Variants in LLGL2 observed in about 807,000 individuals in gnomAD.
LLGL2 encodes LLGL scribble cell polarity complex component 2.
LLGL2 carries 81 observed loss-of-function variants against 123.2 expected under a neutral mutation model. That is an observed-to-expected ratio of 0.66 (90% CI 0.55 to 0.79). The LOEUF is 0.79. LLGL2 is among the 30% of genes least tolerant of loss of function. The pLI, the probability that LLGL2 is intolerant of heterozygous loss-of-function variation, is 0.00. For synonymous variants in LLGL2, 577 were observed against 594.1 expected, an observed-to-expected ratio of 0.97 and a Z score of 0.42; for missense variants, 1,273 against 1,414.6, an observed-to-expected ratio of 0.90 and a Z score of 1.61.
intron 1 of LLGL2, among the ~76,000 whole-genome samples, chr17:75,541,038 C>T (rs1568025873): frequency 6.6e-6 from 1 of 152,226 alleles, no homozygotes; most frequent in Non-Finnish European, 1.5e-5. Context: ...TCACTCCCTA[C>T]TGCACAGCAG....
chr17:75,546,999 A>C (rs2054459327), intron 2 of LLGL2, among the ~76,000 whole-genome samples: 2 of 152,216 alleles, frequency 1.3e-5, no homozygotes. Flanking sequence ...CTGGAAGGCC[A>C]GTCTGCTGGG....
At chr17:75,555,093 C>T (rs2054845578) in intron 2 of LLGL2, among the ~76,000 whole-genome samples, 2 of 149,780 alleles carry the variant, frequency 1.3e-5, no homozygotes, top group Admixed American at 1.3e-4. Flanking sequence ...AGGAGAATGG[C>T]ATGAACCCGG....
chr17:75,569,705 A>G (rs866557222), intron 14 of LLGL2, among the ~76,000 whole-genome samples: 11 of 151,932 alleles, frequency 7.2e-5, no homozygotes, highest in South Asian at 6.2e-4. Context: ...TGGAAGGCCG[A>G]GACAAGAGAA....
chr17:75,531,318 C>T (rs2053778453), intron 1 of LLGL2, among the ~76,000 whole-genome samples: 1 of 152,170 alleles, frequency 6.6e-6, no homozygotes, highest in Non-Finnish European at 1.5e-5. Flanking sequence ...GCAAGAGCCT[C>T]CAGGAGCCAT....
rs748277859 is a variant in LLGL2 at position 75,571,010 on chromosome 17, G to A, written c.2086G>A (p.Val696Met). 5 of 1,613,082 alleles carry A rather than the reference G, an allele frequency of 3.1e-6. No individual in the cohort carries two copies. The highest frequency in any genetic ancestry group is 4.2e-6 in the Non-Finnish European group (5 of 1,179,968). Residue 696 changes from valine (V) to methionine (M), a missense_variant, in exon 17 of 26, where the codon GTG (valine) becomes ATG (methionine). Physicochemically the swap from Val to Met is conservative, Grantham distance 21 (BLOSUM62 1). Coordinates refer to ENST00000392550, the MANE Select transcript of LLGL2 (RefSeq NM_001031803.2). Reference protein sequence around the residue: ...PGLQNMELAPVQRKIEARSAE... With the variant: ...PGLQNMELAPMQRKIEARSAE... Reference sequence around the variant, plus strand: ...CCTCCAGAACATGGAGCTGGCGCCTGTGCAGCGCAAGATCGAGGCTCGCTC... The same window carrying A: ...CCTCCAGAACATGGAGCTGGCGCCTATGCAGCGCAAGATCGAGGCTCGCTC...
In LLGL2 at chr17:75,564,832, C is replaced by A; in HGVS notation, c.1036+325C>A. ...CGAACCAGGATCATGCTACTGTACT[C>A]AGCCTGGGTGACATAGCCAGACTGT... On this transcript the variant is annotated intron_variant, in intron 10 of 25. Transcript: ENST00000392550. The surrounding 1 kb of genome is among the most constrained non-coding windows in gnomAD (Gnocchi z 4.9). The A allele has an allele frequency of 4.2e-6, 1 of 239,538 alleles. No homozygotes were observed. 14.8% of individuals were successfully genotyped at this position (239,538 alleles called of 1,614,324 possible).
chr17:75,574,212 G>A lies in LLGL2; in HGVS notation c.2906-1G>A, dbSNP rs758913200. On this transcript the variant is annotated splice_acceptor_variant, in intron 22 of 25. Coordinates refer to ENST00000392550, the MANE Select transcript of LLGL2 (RefSeq NM_001031803.2). LOFTEE classifies it high-confidence loss of function. ...GCCCTGACCCGGCCTCTACCTTCCA[G>A]AGAAGCAGCCCGGCCTGGTGATGGA... The A allele has an allele frequency of 6.6e-7, 1 of 1,521,694 alleles. No homozygotes were observed. Among genetic ancestry groups the A allele is most frequent in the South Asian group, 1.2e-5 (1 of 81,888 alleles). The allele number at this position is 1,521,694 out of a possible 1,614,324, so 94.3% of individuals were successfully genotyped here.
rs933483858 is a variant in LLGL2 at position 75,573,386 on chromosome 17, G to A, written c.2726-95G>A. ...CCAGACTGGATGGGCCTTAAGCGGA[G>A]AACTGCGAGGGAGCACTAGCCCCTA... On this transcript the variant is annotated intron_variant, in intron 20 of 25. Transcript: ENST00000392550. 1.0e-5 allele frequency: 16 copies of A among 1,554,994 alleles called. No individual in the cohort carries two copies. In the Admixed American group the frequency reaches 2.5e-4, roughly 24 times the overall value.
At position 75,559,231 on chromosome 17, in the gene LLGL2, G is replaced by A. The variant is rs368393996; in HGVS notation, c.372-21G>A. On this transcript the variant is annotated intron_variant, in intron 5 of 25. Transcript: ENST00000392550. This position sits in a 1 kb window ranked among gnomAD's most constrained non-coding sequence, Gnocchi z 4.6. ...CCCTGCTGGGCAGTGGTCGGCTCAC[G>A]GGCAGCTGTTCTTGTCACAGGGCTG... The A allele has an allele frequency of 2.5e-4, 394 of 1,572,710 alleles. No individual in the cohort carries two copies. Among genetic ancestry groups the A allele is most frequent in the Non-Finnish European group, 3.2e-4 (369 of 1,160,124 alleles).
chr17:75,566,172 G>C (rs1310650534), intron 10 of LLGL2, among the ~76,000 whole-genome samples: 1 of 152,214 alleles, frequency 6.6e-6, no homozygotes, highest in African/African-American at 2.4e-5. Flanking sequence ...GGCGAAGAGA[G>C]GGCAGAATGG....
chr17:75,569,833 G>A, intron 14 of LLGL2, 130 bp from the exon 15 acceptor site: 1 of 940,662 alleles, frequency 1.1e-6, no homozygotes, highest in Non-Finnish European at 1.6e-6. Context: ...AGGAGAGCTG[G>A]GGTTGGACAG....
Position 75,559,380 on chromosome 17 carries a change from G to A in LLGL2, c.500G>A (p.Arg167Gln), listed in dbSNP as rs144919589. Residue 167 changes from arginine (R) to glutamine (Q), a missense_variant, in exon 6 of 26, where the codon CGG becomes CAG. Arg to Gln is a conservative substitution (Grantham distance 43). Coordinates refer to ENST00000392550, the MANE Select transcript of LLGL2 (RefSeq NM_001031803.2). This position sits in a 1 kb window ranked among gnomAD's most constrained non-coding sequence, Gnocchi z 4.6. ...QLPAFRALED[R>Q]TISSDAVLQR... The stretch of plus-strand genomic sequence containing the variant: ...CCAGCTTTTCGTGCGCTGGAGGACC[G>A]GACCATCAGCTCGGACGCGGTGCTG... 66 of 1,612,408 alleles carry A rather than the reference G, an allele frequency of 4.1e-5. No individual in the cohort carries two copies. Among genetic ancestry groups the A allele is most frequent in the African/African-American group, 3.3e-4 (25 of 74,932 alleles).
At position 75,541,715 on chromosome 17, in the gene LLGL2, C is replaced by CTTT. The variant is rs56656168; in HGVS notation, c.-30-1653_-30-1651dup. On this transcript the variant is annotated intron_variant, in intron 1 of 25. Coordinates refer to ENST00000392550, the MANE Select transcript of LLGL2 (RefSeq NM_001031803.2). ...TTCACTCAAGGGGGATGTGGCTCTG[C>CTTT]TTTTTTTTTTTTTTTTTTTTTTTTT... 7.6e-4 allele frequency among the ~76,000 whole-genome samples: 24 copies of CTTT among 31,540 alleles called. 3 individuals are homozygous for CTTT. Among genetic ancestry groups the CTTT allele is most frequent in the Non-Finnish European group, 1.2e-3 (22 of 18,620 alleles). The allele number at this position is 31,540 out of a possible 152,430, so 20.7% of individuals were successfully genotyped here. A position where few individuals can be genotyped will look rare whatever the true frequency, so the allele number is the denominator to read the frequency against.
Position 75,559,047 on chromosome 17 carries a change from G to A in LLGL2, c.372-205G>A. On this transcript the variant is annotated intron_variant, in intron 5 of 25. Transcript: ENST00000392550. This position sits in a 1 kb window ranked among gnomAD's most constrained non-coding sequence, Gnocchi z 4.6. Reference sequence around the variant, plus strand: ...CCCCGTGTTATGCTGGAGGGTCCCTGGCGTCTTTCCTGCCTCCTAGCCCAG... The same window carrying A: ...CCCCGTGTTATGCTGGAGGGTCCCTAGCGTCTTTCCTGCCTCCTAGCCCAG... 1 of 603,456 alleles carries A rather than the reference G, an allele frequency of 1.7e-6. No individual in the cohort carries two copies. The allele number at this position is 603,456 out of a possible 1,614,324, so 37.4% of individuals were successfully genotyped here.
At chr17:75,526,546 T>C (rs1598486433) in intron 1 of LLGL2, among the ~76,000 whole-genome samples, 2 of 152,104 alleles carry the variant, frequency 1.3e-5, no homozygotes, top group South Asian at 4.1e-4. Context: ...GCCTTGGCTG[T>C]GGGGAGAACT....
chr17:75,525,861 C>T lies in LLGL2; in HGVS notation c.-31+36C>T, dbSNP rs2053544578. The T allele has an allele frequency of 6.6e-6, 1 of 151,740 alleles. No individual in the cohort carries two copies. Among genetic ancestry groups the T allele is most frequent in the East Asian group, 2.0e-4 (1 of 5,118 alleles). The allele number at this position is 151,740 out of a possible 1,614,324, so 9.4% of individuals were successfully genotyped here. A position where few individuals can be genotyped will look rare whatever the true frequency, so the allele number is the denominator to read the frequency against. On this transcript the variant is annotated intron_variant, in intron 1 of 25. Coordinates refer to ENST00000392550, the MANE Select transcript of LLGL2 (RefSeq NM_001031803.2). This position sits in a 1 kb window ranked among gnomAD's most constrained non-coding sequence, Gnocchi z 4.8. Reference sequence around the variant, plus strand: ...TGCCGGACTCGCCCAGCCGGGCCCGCCCCCTCGGGGCTTCCACCTGGGGCG... The same window carrying T: ...TGCCGGACTCGCCCAGCCGGGCCCGTCCCCTCGGGGCTTCCACCTGGGGCG...
At chr17:75,545,083 C>T (rs1334421851) in intron 2 of LLGL2, among the ~76,000 whole-genome samples, 3 of 152,102 alleles carry the variant, frequency 2.0e-5, no homozygotes, top group Non-Finnish European at 2.9e-5. Context: ...AGAAACCTGA[C>T]AGGCTCAGCA....
intron 7 of LLGL2, 57 bp downstream of exon 7, chr17:75,563,235 G>C: frequency 6.2e-7 from 1 of 1,609,372 alleles, no homozygotes; most frequent in Non-Finnish European, 8.5e-7. Flanking sequence ...GCCCCAAGTG[G>C]CACATACACA....
intron 1 of LLGL2, among the ~76,000 whole-genome samples, chr17:75,536,223 A>T (rs1393031169): frequency 6.6e-6 from 1 of 152,154 alleles, no homozygotes; most frequent in Non-Finnish European, 1.5e-5. Context: ...GCTAGGTGGC[A>T]ACCCCAGTGA....
Sources: gnomAD v4.1 joint callset for allele counts (sites outside exome capture counted in the v4.1 genomes callset) on GRCh38, gnomAD v4.1.1 for gene constraint, Gnocchi (gnomAD v3.1) non-coding constraint, MANE v1.5 for transcripts, NCBI Gene and HGNC (gene_info 2026-07-23, HGNC 2026-07-21) for gene names.